The following PAFAH1B2 variants were observed in gnomAD, a reference collection of about 807,000 sequenced individuals.
PAFAH1B2 encodes platelet-activating factor acetylhydrolase IB subunit alpha2.
PAFAH1B2 carries 8 observed loss-of-function variants against 28.0 expected under a neutral mutation model. The ratio of observed to expected loss-of-function variants is 0.29; its 90% CI spans 0.17 to 0.52. PAFAH1B2 has a LOEUF of 0.52. PAFAH1B2 is among the 20% of genes least tolerant of loss of function. The pLI is 0.97. For synonymous variants in PAFAH1B2, 104 were observed against 103.2 expected, an observed-to-expected ratio of 1.01 and a Z score of -0.05; for missense variants, 190 against 282.6, an observed-to-expected ratio of 0.67 and a Z score of 2.35.
chr11:117,153,924 T>C (rs1956208837), intron 2 of PAFAH1B2, among the ~76,000 whole-genome samples: 2 of 150,686 alleles, frequency 1.3e-5, no homozygotes. Context: ...TATTTTTTTC[T>C]TTTCTTTTTT....
chr11:117,144,324 C>T lies in PAFAH1B2; in HGVS notation c.-102C>T. On this transcript the variant is annotated 5_prime_UTR_variant, in exon 1 of 6. The change creates a new upstream start codon in the 5' untranslated region. Coordinates refer to ENST00000527958, the MANE Select transcript of PAFAH1B2 (RefSeq NM_002572.4). ...GCTGGTGCTGGGGCCGGAGGAGGGA[C>T]GCGCCGGAGCGGGACCGACGGGACC... is the stretch of plus-strand genomic sequence containing the variant. 2.5e-6 allele frequency: 1 copy of T among 402,630 alleles called. No homozygotes were observed. Among genetic ancestry groups the T allele is most frequent in the Non-Finnish European group, 5.1e-6 (1 of 196,602 alleles). 24.9% of individuals were successfully genotyped at this position (402,630 alleles called of 1,614,324 possible). A position where few individuals can be genotyped will look rare whatever the true frequency, so the allele number is the denominator to read the frequency against.
chr11:117,165,834 A>ATTT (rs538814703), intron 5 of PAFAH1B2, among the ~76,000 whole-genome samples: 4 of 139,954 alleles, frequency 2.9e-5, no homozygotes, highest in Non-Finnish European at 4.7e-5. Flanking sequence ...GTCATGTAGG[A>ATTT]TTTTTTTTTT....
At chr11:117,160,835 C>T (rs1300202694) in intron 3 of PAFAH1B2, among the ~76,000 whole-genome samples, 1 of 150,086 alleles carries the variant, frequency 6.7e-6, no homozygotes, top group Non-Finnish European at 1.5e-5. Context: ...CTTGTTTCTA[C>T]TTCACCCTGT....
At position 117,152,515 on chromosome 11, in the gene PAFAH1B2, G is replaced by A. The variant is rs1956174955; in HGVS notation, c.68G>A (p.Arg23Gln). ...GCAGAAGATATTCAAGGAGATGACC[G>A]ATGGATGTCTCAGGTAAAAGGAAGT... ...HAAEDIQGDD[R>Q]WMSQHNRFVL... The change falls in exon 2 of 6, where the codon CGA becomes CAA. Residue 23 changes from arginine (R) to glutamine (Q), a missense_variant. By Grantham distance (43) the Arg-to-Gln change is conservative. Transcript: ENST00000527958. 6.2e-7 allele frequency: 1 copy of A among 1,608,772 alleles called. No individual in the cohort carries two copies. Among genetic ancestry groups the A allele is most frequent in the Non-Finnish European group, 8.5e-7 (1 of 1,175,072 alleles).
At chr11:117,144,673 G>A (rs1296786539) in intron 1 of PAFAH1B2, among the ~76,000 whole-genome samples, 2 of 152,126 alleles carry the variant, frequency 1.3e-5, no homozygotes, top group African/African-American at 4.8e-5. Context: ...ACCGAAAGCT[G>A]GCGTTTCTCC....
rs747264270 is a variant in PAFAH1B2 at position 117,146,838 on chromosome 11, GGAA to G, written c.-8+2421_-8+2423del. 1.7e-3 allele frequency among the ~76,000 whole-genome samples: 234 copies of G among 135,892 alleles called. 4 individuals carry two copies. Among genetic ancestry groups the G allele is most frequent in the African/African-American group, 3.0e-3 (97 of 31,964 alleles). The allele number at this position is 135,892 out of a possible 152,430, so 89.2% of individuals were successfully genotyped here. A position where few individuals can be genotyped will look rare whatever the true frequency, so the allele number is the denominator to read the frequency against. ...CAATATGGTGAGATCCCCATCTATT[GGAA>G]AAAAAAAAAAAAAAGGTCAGGCAGC... is the stretch of plus-strand genomic sequence containing the variant. On this transcript the variant is annotated intron_variant, in intron 1 of 5. Coordinates refer to ENST00000527958, the MANE Select transcript of PAFAH1B2 (RefSeq NM_002572.4).
At chr11:117,147,871 G>A (rs972566316) in intron 1 of PAFAH1B2, among the ~76,000 whole-genome samples, 7 of 152,162 alleles carry the variant, frequency 4.6e-5, no homozygotes, top group African/African-American at 1.7e-4. Flanking sequence ...CTTCAGATAA[G>A]TGACATTTTG....
At chr11:117,177,835 T>C (rs1482424938), downstream of PAFAH1B2, among the ~76,000 whole-genome samples, 1 of 152,202 alleles carries the variant, frequency 6.6e-6, no homozygotes, top group African/African-American at 2.4e-5. Context: ...GGCACCTGGC[T>C]CTATATACTG....
downstream of PAFAH1B2, chr11:117,171,741 A>G (rs1166604881): frequency 6.5e-7 from 1 of 1,535,556 alleles, no homozygotes; most frequent in Non-Finnish European, 8.7e-7. Context: ...GGCCAGCAAT[A>G]TTACAGTGAG....
chr11:117,176,722 A>G (rs1017340973), exon 6 of PAFAH1B2: 1 of 154,226 alleles, frequency 6.5e-6, no homozygotes, highest in Admixed American at 6.6e-5. Flanking sequence ...CTAAAAATAC[A>G]AGAAATTAGC....
chr11:117,146,965 CAAAA>C (rs201970225), intron 1 of PAFAH1B2, among the ~76,000 whole-genome samples: 11 of 148,910 alleles, frequency 7.4e-5, no homozygotes, highest in Non-Finnish European at 1.6e-4. Flanking sequence ...AGCCCTATCT[CAAAA>C]AAAACAAAAA....
chr11:117,171,687 C>G, downstream of PAFAH1B2: 1 of 1,535,324 alleles, frequency 6.5e-7, no homozygotes, highest in East Asian at 2.4e-5. Flanking sequence ...GGTCGGTTAA[C>G]TGGTCGATCG....
intron 1 of PAFAH1B2, among the ~76,000 whole-genome samples, chr11:117,144,778 C>T (rs1198195842): frequency 1.3e-5 from 2 of 151,324 alleles, no homozygotes; most frequent in African/African-American, 4.9e-5. Context: ...GCCGGGCCCA[C>T]CCGCGGTAGG....
chr11:117,144,820 G>C (rs1416185701), intron 1 of PAFAH1B2, among the ~76,000 whole-genome samples: 2 of 151,908 alleles, frequency 1.3e-5, no homozygotes, highest in Non-Finnish European at 2.9e-5. Context: ...CCGGCTGGGC[G>C]CTGCAGCTCC....
intron 1 of PAFAH1B2, among the ~76,000 whole-genome samples, chr11:117,151,233 CTTTTTTT>C (rs11449159): frequency 7.5e-6 from 1 of 133,970 alleles, no homozygotes; most frequent in Admixed American, 7.8e-5. Context: ...TTTTCTTTTT[CTTTTTTT>C]TTTTTTTGAG....
chr11:117,175,082 A>C (rs1030352099), downstream of PAFAH1B2: 1 of 1,279,024 alleles, frequency 7.8e-7, no homozygotes, highest in South Asian at 2.3e-5. Flanking sequence ...TCCATTCAAC[A>C]CTCAGGCTCA....
exon 6 of PAFAH1B2, chr11:117,176,231 C>G (rs2029974023): frequency 2.2e-6 from 1 of 451,784 alleles, no homozygotes. Flanking sequence ...ATTGGTGAAC[C>G]CTTTGGAAAA....
chr11:117,165,156 C>T (rs1179561270), intron 5 of PAFAH1B2, among the ~76,000 whole-genome samples: 11 of 151,480 alleles, frequency 7.3e-5, no homozygotes, highest in East Asian at 2.0e-4. Context: ...GGGGTTTCAC[C>T]GTGTTAGCCA....
intron 1 of PAFAH1B2, among the ~76,000 whole-genome samples, chr11:117,145,336 C>T: frequency 6.6e-6 from 1 of 152,160 alleles, no homozygotes; most frequent in East Asian, 1.9e-4. Context: ...AGAACTAACA[C>T]TCGGAGCTTT....
Sources: gnomAD v4.1 joint callset for allele counts (sites outside exome capture counted in the v4.1 genomes callset) on GRCh38, gnomAD v4.1.1 for gene constraint, MANE v1.5 for transcripts, NCBI Gene and HGNC (gene_info 2026-07-23, HGNC 2026-07-21) for gene names.